Variants in EFNA3 observed in about 807,000 individuals in gnomAD.
EFNA3 encodes the protein ephrin A3.
EFNA3 carries 15 observed loss-of-function variants against 25.0 expected under a neutral mutation model. The ratio of observed to expected loss-of-function variants is 0.60; its 90% CI spans 0.40 to 0.92. The LOEUF is 0.92. Ranked by LOEUF, EFNA3 falls within the 40% of genes least tolerant of loss-of-function variation. EFNA3 has a pLI of 0.00. For synonymous variants in EFNA3, 153 were observed against 145.6 expected, an observed-to-expected ratio of 1.05 and a Z score of -0.37; for missense variants, 298 against 323.8, an observed-to-expected ratio of 0.92 and a Z score of 0.61.
rs200272152 is a variant in EFNA3, at chr1:155,085,411, G to A, written c.442+7G>A. 2 of 1,564,844 alleles carry A rather than the reference G, an allele frequency of 1.3e-6. No individual in the cohort carries two copies. Among genetic ancestry groups the A allele is most frequent in the East Asian group, 2.3e-5 (1 of 43,736 alleles). ...CACGAGTACTACTACATCTGTGAGT[G>A]ACGGCGGCCGGGCGGGCGGGTCTGA... is the stretch of plus-strand genomic sequence containing the variant. On this transcript the variant is annotated splice_region_variant and intron_variant, in intron 2 of 4. Coordinates refer to ENST00000368408, the MANE Select transcript of EFNA3 (RefSeq NM_004952.5). This position sits in a 1 kb window ranked among gnomAD's most constrained non-coding sequence, Gnocchi z 4.4.
intron 1 of EFNA3, among the ~76,000 whole-genome samples, chr1:155,084,346 G>T (rs979067135): frequency 3.9e-5 from 6 of 152,226 alleles, no homozygotes; most frequent in Admixed American, 6.5e-5. Context: ...AGAAGCCAGT[G>T]ATACTGTAGT....
In EFNA3 at chr1:155,085,296, C is replaced by T. The variant is rs936150386; in HGVS notation, c.334C>T (p.Arg112Trp). 2.5e-6 allele frequency: 4 copies of T among 1,612,898 alleles called. No homozygotes were observed. The highest frequency in any genetic ancestry group is 1.7e-6 in the Non-Finnish European group (2 of 1,179,568). Residue 112 changes from arginine (R) to tryptophan (W), a missense_variant, in exon 2 of 5, where the codon CGG becomes TGG. Coordinates refer to ENST00000368408, the MANE Select transcript of EFNA3 (RefSeq NM_004952.5). The surrounding 1 kb of genome is among the most constrained non-coding windows in gnomAD (Gnocchi z 4.4). ...SQGFKRWECN[R>W]PHAPHSPIKF... ...GGGCTTCAAGCGCTGGGAGTGCAAC[C>T]GGCCGCACGCCCCGCACAGCCCCAT...
Position 155,085,444 on chromosome 1 carries a change from A to G in EFNA3, c.442+40A>G. ...CCGGGCGGGCGGGTCTGAACGCGAG[A>G]GTCTGAGTGACAGCCGGGGGGTGGA... is the stretch of plus-strand genomic sequence containing the variant. On this transcript the variant is annotated intron_variant, in intron 2 of 4. Coordinates refer to ENST00000368408, the MANE Select transcript of EFNA3 (RefSeq NM_004952.5). This position sits in a 1 kb window ranked among gnomAD's most constrained non-coding sequence, Gnocchi z 4.4. The G allele has an allele frequency of 6.7e-7, 1 of 1,499,186 alleles. No individual in the cohort carries two copies. The highest frequency in any genetic ancestry group is 8.9e-7 in the Non-Finnish European group (1 of 1,119,034). The allele number at this position is 1,499,186 out of a possible 1,614,324, so 92.9% of individuals were successfully genotyped here.
At chr1:155,083,264 G>A (rs1030840085) in intron 1 of EFNA3, among the ~76,000 whole-genome samples, 1 of 152,214 alleles carries the variant, frequency 6.6e-6, no homozygotes, top group Non-Finnish European at 1.5e-5. Flanking sequence ...CTCAAAGACA[G>A]AGATCCCAGT....
Position 155,087,238 on chromosome 1 carries a change from C to T in EFNA3, c.*695C>T, listed in dbSNP as rs1400777848. 2 of 152,812 alleles carry T rather than the reference C, an allele frequency of 1.3e-5. No homozygotes were observed. Among genetic ancestry groups the T allele is most frequent in the Non-Finnish European group, 1.5e-5 (1 of 68,174 alleles). 9.5% of individuals were successfully genotyped at this position (152,812 alleles called of 1,614,324 possible). On this transcript the variant is annotated 3_prime_UTR_variant, in exon 5 of 5. Coordinates refer to ENST00000368408, the MANE Select transcript of EFNA3 (RefSeq NM_004952.5). ...TCTTTAACCCCCTGACCTTTCTTGACTTCCCCTTCAGCTTCAGACCCCTTC... is the reference window on the plus strand; with the variant it reads ...TCTTTAACCCCCTGACCTTTCTTGATTTCCCCTTCAGCTTCAGACCCCTTC...
At chr1:155,083,020 A>G (rs1870939) in intron 1 of EFNA3, among the ~76,000 whole-genome samples, 99,450 of 152,112 alleles carry the variant, frequency 0.65, 33,319 homozygotes, top group East Asian at 0.9. Context: ...GCATTTCAGG[A>G]GCTGTTCCTG....
rs1663338828 is a variant in EFNA3, at chr1:155,081,282, A to T, written c.128+2213A>T. ...TCCCAATCTGGCCCAGAAACTAGGG[A>T]TGGGGGGACTGTATTGGAGCGATGC... On this transcript the variant is annotated intron_variant, in intron 1 of 4. Coordinates refer to ENST00000368408, the MANE Select transcript of EFNA3 (RefSeq NM_004952.5). This position sits in a 1 kb window ranked among gnomAD's most constrained non-coding sequence, Gnocchi z 5.2. Among the ~76,000 whole-genome samples, 1 of 152,168 alleles carries T rather than the reference A, an allele frequency of 6.6e-6. No individual in the cohort carries two copies. The highest frequency in any genetic ancestry group is 2.1e-4 in the South Asian group (1 of 4,836).
Position 155,086,414 on chromosome 1 carries a change from A to C in EFNA3, c.588A>C (p.Glu196Asp), listed in dbSNP as rs773618738. The stretch of plus-strand genomic sequence containing the variant: ...GTCTGTCTGTTCCTCTGTCCACAGA[A>C]GACTTTGAGGGAGAGAACCCTCAGG... Reference protein sequence around the residue: ...MGPNVKINVLEDFEGENPQVP... With the variant: ...MGPNVKINVLDDFEGENPQVP... Residue 196 changes from glutamate to aspartate, a missense_variant and splice_region_variant, in exon 5 of 5, where the codon GAA becomes GAC. Transcript: ENST00000368408. 6.2e-7 allele frequency: 1 copy of C among 1,614,018 alleles called. No homozygotes were observed. The highest frequency in any genetic ancestry group is 8.5e-7 in the Non-Finnish European group (1 of 1,179,930).
intron 3 of EFNA3, 52 bp from the exon 4 acceptor site, chr1:155,086,076 T>A (rs1663450116): frequency 4.4e-6 from 7 of 1,590,428 alleles, no homozygotes; most frequent in Non-Finnish European, 5.1e-6. Flanking sequence ...GGGGAGGGAA[T>A]CCTGGCCCTG....
Position 155,086,117 on chromosome 1 carries a change from C to A in EFNA3, c.509-11C>A. 1.2e-6 allele frequency: 2 copies of A among 1,608,848 alleles called. No homozygotes were observed. Among genetic ancestry groups the A allele is most frequent in the South Asian group, 1.1e-5 (1 of 90,750 alleles). On this transcript the variant is annotated splice_polypyrimidine_tract_variant and intron_variant, in intron 3 of 4. Coordinates refer to ENST00000368408, the MANE Select transcript of EFNA3 (RefSeq NM_004952.5). ...CCCCTCCTCTCTCCCCACCCGCACC[C>A]CACCCCGCAGCATCGCACTCCGGGG...
Position 155,085,785 on chromosome 1 carries a change from G to A in EFNA3, c.443-92G>A. The A allele has an allele frequency of 6.7e-7, 1 of 1,484,696 alleles. No homozygotes were observed. Among genetic ancestry groups the A allele is most frequent in the South Asian group, 1.2e-5 (1 of 82,596 alleles). The allele number at this position is 1,484,696 out of a possible 1,614,324, so 92.0% of individuals were successfully genotyped here. A position where few individuals can be genotyped will look rare whatever the true frequency, so the allele number is the denominator to read the frequency against. Reference sequence around the variant, plus strand: ...GCTCCTGAAGGAGACCGCCCGACGGGGACAGTTTGGAGGGGGTGAGAAATA... The same window carrying A: ...GCTCCTGAAGGAGACCGCCCGACGGAGACAGTTTGGAGGGGGTGAGAAATA... On this transcript the variant is annotated intron_variant, in intron 2 of 4. Coordinates refer to ENST00000368408, the MANE Select transcript of EFNA3 (RefSeq NM_004952.5). This position sits in a 1 kb window ranked among gnomAD's most constrained non-coding sequence, Gnocchi z 4.4.
chr1:155,085,183 G>C lies in EFNA3; in HGVS notation c.221G>C (p.Gly74Ala), dbSNP rs781551302. ...PHYNSSGVGP[G>A]AGPGPGGGAE... ...TACAACAGCTCGGGGGTGGGCCCCG[G>C]GGCGGGACCGGGGCCCGGAGGCGGG... Residue 74 changes from glycine (G) to alanine (A), a missense_variant, in exon 2 of 5, where the codon GGG becomes GCG. Coordinates refer to ENST00000368408, the MANE Select transcript of EFNA3 (RefSeq NM_004952.5). This position sits in a 1 kb window ranked among gnomAD's most constrained non-coding sequence, Gnocchi z 4.4. 1 of 1,612,826 alleles carries C rather than the reference G, an allele frequency of 6.2e-7. No individual in the cohort carries two copies. The highest frequency in any genetic ancestry group is 8.5e-7 in the Non-Finnish European group (1 of 1,179,718).
chr1:155,086,345 G>A, intron 4 of EFNA3, 68 bp from the exon 5 acceptor site: 2 of 1,560,074 alleles, frequency 1.3e-6, no homozygotes, highest in Non-Finnish European at 1.7e-6. Context: ...CTCCATTGCT[G>A]CTGCCGCGTG....
chr1:155,086,665 C>A lies in EFNA3; in HGVS notation c.*122C>A. Reference sequence around the variant, plus strand: ...CCTCCTCCCATGGCTAGAAGTGGGGCCTGCACCATACATCTGTGTCCGCCC... The same window carrying A: ...CCTCCTCCCATGGCTAGAAGTGGGGACTGCACCATACATCTGTGTCCGCCC... On this transcript the variant is annotated 3_prime_UTR_variant, in exon 5 of 5. Coordinates refer to ENST00000368408, the MANE Select transcript of EFNA3 (RefSeq NM_004952.5). The A allele has an allele frequency of 1.6e-6, 2 of 1,273,388 alleles. No homozygotes were observed. The highest frequency in any genetic ancestry group is 4.7e-5 in the East Asian group (2 of 42,424). The allele number at this position is 1,273,388 out of a possible 1,614,324, so 78.9% of individuals were successfully genotyped here.
Position 155,085,969 on chromosome 1 carries a change from C to T in EFNA3, c.508+27C>T. ...TGAGTAGAATAGGCTCCGAGCCGCG[C>T]CCCCATCCTCAGCTCCCTGCTTTGG... On this transcript the variant is annotated intron_variant, in intron 3 of 4. Transcript: ENST00000368408. The surrounding 1 kb of genome is among the most constrained non-coding windows in gnomAD (Gnocchi z 4.4). The T allele has an allele frequency of 6.3e-7, 1 of 1,595,300 alleles. No homozygotes were observed. The highest frequency in any genetic ancestry group is 1.1e-5 in the South Asian group (1 of 88,306).
intron 1 of EFNA3, 132 bp from the exon 2 acceptor site, chr1:155,084,959 T>A: frequency 9.7e-7 from 1 of 1,035,782 alleles, no homozygotes; most frequent in Non-Finnish European, 1.4e-6. Context: ...GAGACAGGGC[T>A]GAGCCGCGAG....
chr1:155,085,518 G>A lies in EFNA3; in HGVS notation c.442+114G>A. On this transcript the variant is annotated intron_variant, in intron 2 of 4. Coordinates refer to ENST00000368408, the MANE Select transcript of EFNA3 (RefSeq NM_004952.5). The surrounding 1 kb of genome is among the most constrained non-coding windows in gnomAD (Gnocchi z 4.4). ...CGGCGCGGCGGGCGCCAGGTCTCGCGGCTGAGACCAGGGAGGAGGCGTGGG... is the reference window on the plus strand; with the variant it reads ...CGGCGCGGCGGGCGCCAGGTCTCGCAGCTGAGACCAGGGAGGAGGCGTGGG... The A allele has an allele frequency of 7.6e-7, 1 of 1,307,556 alleles. No homozygotes were observed. The highest frequency in any genetic ancestry group is 1.0e-6 in the Non-Finnish European group (1 of 976,060). 81.0% of individuals were successfully genotyped at this position (1,307,556 alleles called of 1,614,324 possible). A position where few individuals can be genotyped will look rare whatever the true frequency, so the allele number is the denominator to read the frequency against.
chr1:155,082,480 C>T (rs569989121), intron 1 of EFNA3, among the ~76,000 whole-genome samples: 1 of 152,280 alleles, frequency 6.6e-6, no homozygotes, highest in South Asian at 2.1e-4. Flanking sequence ...GCGGACACTC[C>T]GGGTTAAGTG....
intron 1 of EFNA3, among the ~76,000 whole-genome samples, chr1:155,083,512 G>C (rs944535746): frequency 6.6e-6 from 1 of 152,268 alleles, no homozygotes; most frequent in African/African-American, 2.4e-5. Flanking sequence ...CATGGGAACA[G>C]AGTGGGGCTG....
Sources: allele counts gnomAD v4.1 joint callset (sites outside exome capture counted in the v4.1 genomes callset), GRCh38; gene constraint gnomAD v4.1.1; non-coding constraint Gnocchi (gnomAD v3.1); transcripts MANE v1.5; gene names NCBI Gene and HGNC (gene_info 2026-07-23, HGNC 2026-07-21).